ROBO2: variants seen among roughly 807,000 people sequenced by gnomAD.
The protein encoded by ROBO2 is roundabout guidance receptor 2.
Under a neutral mutation model 160.8 loss-of-function variants are expected in ROBO2, and 53 were observed. The ratio of observed to expected loss-of-function variants is 0.33; its 90% CI spans 0.26 to 0.41. The LOEUF (loss-of-function observed/expected upper bound fraction) is 0.41, where lower values mean the gene tolerates loss of function less well. Ranked by LOEUF, ROBO2 falls within the 10% of genes least tolerant of loss-of-function variation. The pLI is 1.00. For missense variants in ROBO2, 1,577 were observed against 1,722.4 expected (o/e 0.92, Z 1.49); for synonymous variants, 664 against 611.7 (o/e 1.09, Z -1.26).
intron 2 of ROBO2, among the ~76,000 whole-genome samples, chr3:76,738,199 C>T (rs1245687304): frequency 6.6e-6 from 1 of 152,102 alleles, no homozygotes; most frequent in East Asian, 1.9e-4. Context: ...CGTGCCTACT[C>T]TGCGAAAAGC....
At chr3:76,876,889 C>T (rs10446375) in intron 2 of ROBO2, among the ~76,000 whole-genome samples, 24,506 of 152,038 alleles carry the variant, frequency 0.16, 2,258 homozygotes, top group South Asian at 0.24. Flanking sequence ...AGAACTATTG[C>T]TCTGCCATAA....
intron 2 of ROBO2, among the ~76,000 whole-genome samples, chr3:77,139,197 G>A (rs2076509975): frequency 1.3e-5 from 2 of 151,956 alleles, no homozygotes; most frequent in South Asian, 4.1e-4. Context: ...TGTGGAGTTG[G>A]AGACAAACTG....
At chr3:76,565,226 T>C (rs2084438838) in intron 2 of ROBO2, among the ~76,000 whole-genome samples, 1 of 152,238 alleles carries the variant, frequency 6.6e-6, no homozygotes, top group Non-Finnish European at 1.5e-5. Flanking sequence ...AAAAAATCCA[T>C]AGTGATTTCT....
intron 2 of ROBO2, among the ~76,000 whole-genome samples, chr3:76,240,306 G>A (rs1341572284): frequency 2.0e-5 from 3 of 151,428 alleles, no homozygotes; most frequent in African/African-American, 4.8e-5. Context: ...ACAGGCCCCA[G>A]TGTGTGATGT....
chr3:77,478,849 C>T (rs1411979184), intron 3 of ROBO2, among the ~76,000 whole-genome samples: 5 of 152,058 alleles, frequency 3.3e-5, no homozygotes, highest in South Asian at 2.1e-4. Flanking sequence ...TATATTCATG[C>T]GTTTCTGGTA....
chr3:77,014,582 C>G (rs556969179), intron 2 of ROBO2, among the ~76,000 whole-genome samples: 1 of 152,292 alleles, frequency 6.6e-6, no homozygotes, highest in African/African-American at 2.4e-5. Context: ...CCTGATCAGT[C>G]TCCTGCAGCT....
chr3:75,963,460 G>A (rs1224186659), intron 2 of ROBO2, among the ~76,000 whole-genome samples: 1 of 151,818 alleles, frequency 6.6e-6, no homozygotes, highest in Non-Finnish European at 1.5e-5. Flanking sequence ...GCCTCCCAAA[G>A]TTCTGGGATT....
intron 2 of ROBO2, among the ~76,000 whole-genome samples, chr3:75,959,630 A>T (rs1482760036): frequency 2.6e-5 from 4 of 151,760 alleles, no homozygotes; most frequent in Non-Finnish European, 5.9e-5. Context: ...GGAAATTCTT[A>T]ATTTTCTATT....
chr3:77,586,761 C>G (rs2094060656), intron 16 of ROBO2, among the ~76,000 whole-genome samples: 2 of 150,864 alleles, frequency 1.3e-5, no homozygotes, highest in Non-Finnish European at 3.0e-5. Context: ...AAGGAAATCA[C>G]CAGATAGGTG....
At chr3:77,095,411 T>C (rs1578918787) in intron 1 of ROBO2, among the ~76,000 whole-genome samples, 1 of 152,176 alleles carries the variant, frequency 6.6e-6, no homozygotes, top group East Asian at 1.9e-4. Flanking sequence ...AGTATTAGCA[T>C]ATTTCAGGTC....
At chr3:76,493,210 A>G (rs1005462430) in intron 2 of ROBO2, among the ~76,000 whole-genome samples, 1 of 151,598 alleles carries the variant, frequency 6.6e-6, no homozygotes, top group African/African-American at 2.4e-5. Flanking sequence ...AGCTATTTTC[A>G]AGTTGCTAAG....
intron 23 of ROBO2, chr3:77,631,551 A>C (rs2153713223): frequency 6.6e-6 from 1 of 152,278 alleles, no homozygotes; most frequent in African/African-American, 2.4e-5. Context: ...ATACCAACAT[A>C]AATCTTGTAA....
intron 2 of ROBO2, among the ~76,000 whole-genome samples, chr3:76,289,591 C>G (rs753062314): frequency 6.6e-6 from 1 of 152,014 alleles, no homozygotes; most frequent in Non-Finnish European, 1.5e-5. Flanking sequence ...ATCATATTTC[C>G]TAGGTTTTCT....
chr3:76,637,388 A>C (rs1056370045), intron 2 of ROBO2, among the ~76,000 whole-genome samples: 1 of 151,352 alleles, frequency 6.6e-6, no homozygotes, highest in Non-Finnish European at 1.5e-5. Context: ...AAAGACCTGC[A>C]TTTCTTTCTT....
intron 2 of ROBO2, among the ~76,000 whole-genome samples, chr3:75,972,027 A>C (rs72890312): frequency 0.026 from 3,971 of 151,766 alleles, 169 homozygotes; most frequent in African/African-American, 0.091. Flanking sequence ...GAAAAGTGAG[A>C]TTTCAGACCC....
intron 17 of ROBO2, among the ~76,000 whole-genome samples, chr3:77,592,741 G>A (rs775726): frequency 0.59 from 89,684 of 151,784 alleles, 26,538 homozygotes; most frequent in Middle Eastern, 0.71. Context: ...TAGTAGAGAC[G>A]GGGTTTCACC....
At chr3:76,822,879 T>G (rs2066244438) in intron 2 of ROBO2, among the ~76,000 whole-genome samples, 1 of 152,044 alleles carries the variant, frequency 6.6e-6, no homozygotes, top group Non-Finnish European at 1.5e-5. Flanking sequence ...TTTCCTCTAT[T>G]TTTCCTCCAA....
intron 2 of ROBO2, among the ~76,000 whole-genome samples, chr3:76,383,785 T>A (rs974169663): frequency 1.3e-5 from 2 of 152,122 alleles, no homozygotes; most frequent in Non-Finnish European, 2.9e-5. Context: ...AAATAACCCC[T>A]GACAACAGGA....
chr3:77,311,759 CT>C (rs1251240952), intron 2 of ROBO2, among the ~76,000 whole-genome samples: 2 of 152,158 alleles, frequency 1.3e-5, no homozygotes, highest in Admixed American at 1.3e-4. Flanking sequence ...AAACAACTGT[CT>C]CATTCTTTCG....
Sources: gnomAD v4.1 joint callset for allele counts (sites outside exome capture counted in the v4.1 genomes callset) on GRCh38, gnomAD v4.1.1 for gene constraint, MANE v1.5 for transcripts, NCBI Gene and HGNC (gene_info 2026-07-23, HGNC 2026-07-21) for gene names.